Variants in ZEB1 observed in about 807,000 individuals in gnomAD.
The protein encoded by ZEB1 is zinc finger E-box-binding homeobox 1.
A neutral mutation model predicts 84.9 loss-of-function variants in ZEB1; 21 were observed. The ratio of observed to expected loss-of-function variants is 0.25; its 90% CI spans 0.18 to 0.36. The LOEUF (loss-of-function observed/expected upper bound fraction) is 0.36, where lower values mean the gene tolerates loss of function less well. Ranked by LOEUF, ZEB1 falls within the 10% of genes least tolerant of loss-of-function variation. ZEB1 has a pLI of 1.00. For missense variants in ZEB1, 1,104 were observed against 1,330.2 expected (o/e 0.83, Z 2.65); for synonymous variants, 420 against 471.1 (o/e 0.89, Z 1.41).
chr10:31,421,671 C>T lies in ZEB1; in HGVS notation c.59-39366C>T, dbSNP rs188279939. 1.5e-3 allele frequency among the ~76,000 whole-genome samples: 235 copies of T among 152,176 alleles called. 1 individual carries two copies. The highest frequency in any genetic ancestry group is 4.7e-3 in the African/African-American group (196 of 41,532). ...CTAAAGCCTTTCCATTTCTAGAAAC[C>T]TATCTCCAGTGTCCATCCTTGAGAA... is the stretch of plus-strand genomic sequence containing the variant. On this transcript the variant is annotated intron_variant, in intron 1 of 8. Coordinates refer to ENST00000424869, the MANE Select transcript of ZEB1 (RefSeq NM_001174096.2).
At chr10:31,442,968 G>A (rs572614210) in intron 1 of ZEB1, among the ~76,000 whole-genome samples, 1 of 152,146 alleles carries the variant, frequency 6.6e-6, no homozygotes. Flanking sequence ...AAAAAGCTTT[G>A]AAGTATAGAG....
intron 1 of ZEB1, chr10:31,319,510 C>G (rs2033124312): frequency 1.7e-6 from 1 of 575,004 alleles, no homozygotes; most frequent in Non-Finnish European, 3.1e-6. Flanking sequence ...CGTTATGTCT[C>G]TTACCTGGTC....
chr10:31,376,943 G>A (rs1438695576), intron 1 of ZEB1, among the ~76,000 whole-genome samples: 3 of 151,546 alleles, frequency 2.0e-5, no homozygotes, highest in Non-Finnish European at 3.0e-5. Context: ...AGAGTGGTAT[G>A]TAAAGAGCTT....
At chr10:31,464,151 A>G (rs1213528703) in intron 2 of ZEB1, among the ~76,000 whole-genome samples, 1 of 152,198 alleles carries the variant, frequency 6.6e-6, no homozygotes, top group Non-Finnish European at 1.5e-5. Context: ...AGAAAAATTA[A>G]TAATTTGGAA....
At chr10:31,514,751 A>T (rs1390413278) in intron 6 of ZEB1, 43 bp downstream of exon 6, 2 of 1,428,050 alleles carry the variant, frequency 1.4e-6, no homozygotes, top group African/African-American at 2.8e-5. Flanking sequence ...ATCATAGCAT[A>T]TGTGGTAATA....
chr10:31,440,018 C>G (rs1761382), intron 1 of ZEB1, among the ~76,000 whole-genome samples: 11,878 of 152,050 alleles, frequency 0.078, 661 homozygotes, highest in African/African-American at 0.16. Context: ...TGACAGTACT[C>G]GAAGTGAGAG....
intron 1 of ZEB1, among the ~76,000 whole-genome samples, chr10:31,432,543 C>T (rs1344043541): frequency 6.6e-6 from 1 of 152,136 alleles, no homozygotes; most frequent in Admixed American, 6.5e-5. Context: ...GAGCTGTGAT[C>T]ATGCCACTGC....
intron 1 of ZEB1, among the ~76,000 whole-genome samples, chr10:31,386,104 ACT>A (rs2048600443): frequency 2.0e-5 from 3 of 151,772 alleles, no homozygotes; most frequent in South Asian, 2.1e-4. Context: ...ATATCGATCT[ACT>A]CTCTATGGAT....
intron 1 of ZEB1, among the ~76,000 whole-genome samples, chr10:31,366,990 A>G (rs1590385779): frequency 1.3e-5 from 2 of 152,300 alleles, no homozygotes; most frequent in Admixed American, 1.3e-4. Context: ...TTTTGTGTGA[A>G]ATTGCTAGCT....
rs192616186 is a variant in ZEB1 at position 31,441,417 on chromosome 10, T to A, written c.59-19620T>A. 2.6e-5 allele frequency among the ~76,000 whole-genome samples: 4 copies of A among 152,260 alleles called. No individual in the cohort carries two copies. The East Asian group carries it at 5.8e-4, about 22-fold the overall frequency. ...ATACAAAAATTAATTCAAGATGGAT[T>A]AAAGATTGAAATGTTAGACCTGAAA... On this transcript the variant is annotated intron_variant, in intron 1 of 8. Coordinates refer to ENST00000424869, the MANE Select transcript of ZEB1 (RefSeq NM_001174096.2).
chr10:31,359,791 C>G (rs921419662), intron 1 of ZEB1, among the ~76,000 whole-genome samples: 1 of 152,108 alleles, frequency 6.6e-6, no homozygotes, highest in African/African-American at 2.4e-5. Flanking sequence ...ATAACAAACA[C>G]CTATCTTCTT....
chr10:31,441,754 G>T (rs1370238831), intron 1 of ZEB1, among the ~76,000 whole-genome samples: 1 of 152,192 alleles, frequency 6.6e-6, no homozygotes, highest in Non-Finnish European at 1.5e-5. Context: ...GATATGAACA[G>T]ACACTTCTCA....
intron 1 of ZEB1, among the ~76,000 whole-genome samples, chr10:31,394,415 A>G (rs1230017769): frequency 1.2e-4 from 19 of 152,178 alleles, no homozygotes; most frequent in Admixed American, 1.2e-3. Flanking sequence ...CCTAATACAT[A>G]TAGAAGCATT....
intron 1 of ZEB1, among the ~76,000 whole-genome samples, chr10:31,324,745 A>T (rs546693696): frequency 6.0e-4 from 91 of 152,206 alleles, no homozygotes; most frequent in Middle Eastern, 3.4e-3. Flanking sequence ...TTTAAACTAG[A>T]AAAAGTGTCC....
intron 1 of ZEB1, among the ~76,000 whole-genome samples, chr10:31,439,724 G>C (rs997128180): frequency 6.6e-6 from 1 of 152,116 alleles, no homozygotes; most frequent in Admixed American, 6.6e-5. Flanking sequence ...CCCTGAGGAG[G>C]TGGAATTGGG....
At chr10:31,368,157 T>TATTTA (rs1269422193) in intron 1 of ZEB1, among the ~76,000 whole-genome samples, 1 of 151,952 alleles carries the variant, frequency 6.6e-6, no homozygotes, top group African/African-American at 2.4e-5. Context: ...GTACTTTATT[T>TATTTA]ATTTATTTAT....
At chr10:31,341,792 A>T (rs976696461) in intron 1 of ZEB1, among the ~76,000 whole-genome samples, 1 of 152,210 alleles carries the variant, frequency 6.6e-6, no homozygotes, top group Non-Finnish European at 1.5e-5. Context: ...AAATGAAATA[A>T]TCAGTGGGCC....
intron 8 of ZEB1, among the ~76,000 whole-genome samples, chr10:31,524,723 G>T (rs1457509587): frequency 6.6e-6 from 1 of 151,376 alleles, no homozygotes; most frequent in Non-Finnish European, 1.5e-5. Flanking sequence ...TAAAAACATA[G>T]TACATAGTAC....
intron 2 of ZEB1, among the ~76,000 whole-genome samples, chr10:31,485,687 T>C (rs1203369027): frequency 6.6e-6 from 1 of 151,836 alleles, no homozygotes. Flanking sequence ...AGTTTCTTTT[T>C]TTTTTCTGAG....
Sources: allele counts gnomAD v4.1 joint callset (sites outside exome capture counted in the v4.1 genomes callset), GRCh38; gene constraint gnomAD v4.1.1; transcripts MANE v1.5; gene names NCBI Gene and HGNC (gene_info 2026-07-23, HGNC 2026-07-21).